MRPL42: variants seen among roughly 807,000 people sequenced by gnomAD.
MRPL42 encodes large ribosomal subunit protein mL42.
Under a neutral mutation model 17.9 loss-of-function variants are expected in MRPL42, and 17 were observed. The observed-to-expected ratio is 0.95, with a 90% confidence interval of 0.65 to 1.42. MRPL42 has a LOEUF of 1.42. MRPL42 is among the 40% of genes most tolerant of loss of function. The pLI, the probability that MRPL42 is intolerant of heterozygous loss-of-function variation, is 0.00. For missense variants in MRPL42, 177 were observed against 175.2 expected (o/e 1.01, Z -0.06); for synonymous variants, 59 against 54.4 (o/e 1.08, Z -0.37).
At chr12:93,469,398 T>C in intron 2 of MRPL42, 43 bp downstream of exon 2, 1 of 1,389,904 alleles carries the variant, frequency 7.2e-7, no homozygotes, top group Non-Finnish European at 9.9e-7. Context: ...TTTAAACTTT[T>C]AAGAATTAAG....
chr12:93,497,732 G>A (rs946065483), intron 5 of MRPL42, among the ~76,000 whole-genome samples: 1 of 133,028 alleles, frequency 7.5e-6, no homozygotes, highest in Admixed American at 7.4e-5. Flanking sequence ...CCTAGCCAGA[G>A]CAATCAGGCA....
Position 93,503,393 on chromosome 12 carries a change from T to G in MRPL42, c.*2172T>G, listed in dbSNP as rs1438708760. On this transcript the variant is annotated 3_prime_UTR_variant, in exon 6 of 6. Coordinates refer to ENST00000549982, the MANE Select transcript of MRPL42 (RefSeq NM_014050.4). ...AATAGCAAAAACTGATTTTTTTTTTTTTTTAAAGAAAAGGTCTTGCTGTGT... is the reference window on the plus strand; with the variant it reads ...AATAGCAAAAACTGATTTTTTTTTTGTTTTAAAGAAAAGGTCTTGCTGTGT... 6.6e-6 allele frequency: 1 copy of G among 152,188 alleles called. No homozygotes were observed. The highest frequency in any genetic ancestry group is 2.4e-5 in the African/African-American group (1 of 41,440). The allele number at this position is 152,188 out of a possible 1,614,324, so 9.4% of individuals were successfully genotyped here. A position where few individuals can be genotyped will look rare whatever the true frequency, so the allele number is the denominator to read the frequency against.
chr12:93,501,406 T>C lies in MRPL42; in HGVS notation c.*185T>C, dbSNP rs560425821. ...CATTCTCATTTAGAGAAACCTATTT[T>C]CTTTTTTCTTTTTCTATTTTAGTGT... On this transcript the variant is annotated 3_prime_UTR_variant, in exon 6 of 6. Transcript: ENST00000549982. 1.2e-5 allele frequency: 5 copies of C among 402,548 alleles called. No homozygotes were observed. Among genetic ancestry groups the C allele is most frequent in the African/African-American group, 2.1e-5 (1 of 48,200 alleles). 24.9% of individuals were successfully genotyped at this position (402,548 alleles called of 1,614,324 possible). A position where few individuals can be genotyped will look rare whatever the true frequency, so the allele number is the denominator to read the frequency against.
intron 5 of MRPL42, among the ~76,000 whole-genome samples, chr12:93,495,913 A>G (rs775975360): frequency 6.6e-6 from 1 of 152,210 alleles, no homozygotes; most frequent in Non-Finnish European, 1.5e-5. Flanking sequence ...TATGGTTTCA[A>G]AGAGGAACTG....
At chr12:93,471,424 G>A (rs532605631) in intron 2 of MRPL42, among the ~76,000 whole-genome samples, 3 of 152,102 alleles carry the variant, frequency 2.0e-5, no homozygotes, top group African/African-American at 7.2e-5. Flanking sequence ...TTGGCCTCCC[G>A]AAGTGCTGAG....
Position 93,506,195 on chromosome 12 carries a change from T to C in MRPL42, c.*4974T>C, listed in dbSNP as rs1248243608. 6.6e-6 allele frequency: 1 copy of C among 151,002 alleles called. No homozygotes were observed. The allele number at this position is 151,002 out of a possible 1,614,324, so 9.4% of individuals were successfully genotyped here. ...TGCCCACCTTGGCCCCCCAAAATACTGGGATTACAAGGGTGAGCCACTGTG... is the reference window on the plus strand; with the variant it reads ...TGCCCACCTTGGCCCCCCAAAATACCGGGATTACAAGGGTGAGCCACTGTG... On this transcript the variant is annotated 3_prime_UTR_variant, in exon 6 of 6. Transcript: ENST00000549982.
chr12:93,471,045 AG>A (rs948256651), intron 2 of MRPL42, among the ~76,000 whole-genome samples: 2 of 152,258 alleles, frequency 1.3e-5, no homozygotes, highest in African/African-American at 4.8e-5. Context: ...AGCTATTTGA[AG>A]AATGGAGTAT....
Position 93,477,103 on chromosome 12 carries a change from G to A in MRPL42, c.134+86G>A. The A allele has an allele frequency of 4.1e-6, 4 of 982,246 alleles. No homozygotes were observed. The South Asian group carries it at 4.8e-5, about 12-fold the overall frequency. The allele number at this position is 982,246 out of a possible 1,614,324, so 60.8% of individuals were successfully genotyped here. ...TTTATTTCTTGTTTTGATGTCTGAT[G>A]CTTTCTTTTCTCATTATTCTTTCCT... On this transcript the variant is annotated intron_variant, in intron 3 of 5. Transcript: ENST00000549982.
chr12:93,504,850 T>C lies in MRPL42; in HGVS notation c.*3629T>C, dbSNP rs1331393083. On this transcript the variant is annotated 3_prime_UTR_variant, in exon 6 of 6. Transcript: ENST00000549982. ...TTTGGTAAATGTCCATATCCCCTAC[T>C]AGCCTATAAGCTCCATGACTTCTAG... 1 of 152,238 alleles carries C rather than the reference T, an allele frequency of 6.6e-6. No homozygotes were observed. The highest frequency in any genetic ancestry group is 1.5e-5 in the Non-Finnish European group (1 of 68,050). 9.4% of individuals were successfully genotyped at this position (152,238 alleles called of 1,614,324 possible). A position where few individuals can be genotyped will look rare whatever the true frequency, so the allele number is the denominator to read the frequency against.
chr12:93,492,442 C>A (rs1953432872), intron 5 of MRPL42, among the ~76,000 whole-genome samples: 1 of 152,048 alleles, frequency 6.6e-6, no homozygotes, highest in South Asian at 2.1e-4. Flanking sequence ...AGTGTCTGTT[C>A]ATGTTCCCTA....
chr12:93,480,028 A>G (rs1223755648), intron 4 of MRPL42, among the ~76,000 whole-genome samples: 1 of 151,666 alleles, frequency 6.6e-6, no homozygotes, highest in Admixed American at 6.6e-5. Flanking sequence ...TGTTTTTAAT[A>G]TAATTTATTT....
chr12:93,472,961 C>T (rs1028390067), intron 2 of MRPL42, among the ~76,000 whole-genome samples: 2 of 152,214 alleles, frequency 1.3e-5, no homozygotes, highest in African/African-American at 4.8e-5. Flanking sequence ...ATCTGGATCT[C>T]CCACCTTACT....
rs538683135 is a variant in MRPL42, at chr12:93,502,584, C to T, written c.*1363C>T. On this transcript the variant is annotated 3_prime_UTR_variant, in exon 6 of 6. Coordinates refer to ENST00000549982, the MANE Select transcript of MRPL42 (RefSeq NM_014050.4). ...CCCTCTGTTAAGTGGTTTACTTTTT[C>T]CATTAATATAAATTTCATTTGGAAA... 2 of 151,854 alleles carry T rather than the reference C, an allele frequency of 1.3e-5. No individual in the cohort carries two copies. The highest frequency in any genetic ancestry group is 4.8e-5 in the African/African-American group (2 of 41,388). The allele number at this position is 151,854 out of a possible 1,614,324, so 9.4% of individuals were successfully genotyped here.
At position 93,514,852 on chromosome 12, in the gene MRPL42, A is replaced by G. The variant is rs1370520125; in HGVS notation, c.*13631A>G. ...CTTAAAATGTATTACCCAGGACAAC[A>G]TATTTTTTTTTACTGTGGACAGTAT... On this transcript the variant is annotated 3_prime_UTR_variant, in exon 6 of 6. Transcript: ENST00000549982. 1 of 152,038 alleles carries G rather than the reference A, an allele frequency of 6.6e-6. No homozygotes were observed. Among genetic ancestry groups the G allele is most frequent in the Non-Finnish European group, 1.5e-5 (1 of 68,018 alleles). 9.4% of individuals were successfully genotyped at this position (152,038 alleles called of 1,614,324 possible). A position where few individuals can be genotyped will look rare whatever the true frequency, so the allele number is the denominator to read the frequency against.
chr12:93,475,632 C>T lies in MRPL42; in HGVS notation c.71-1322C>T, dbSNP rs993647633. On this transcript the variant is annotated intron_variant, in intron 2 of 5. Coordinates refer to ENST00000549982, the MANE Select transcript of MRPL42 (RefSeq NM_014050.4). ...TATTGAGCTACTTTTAAATTTTTTT[C>T]TTTATATTAAAAGAATACCCTTTTT... Among the ~76,000 whole-genome samples the T allele has an allele frequency of 2.0e-5, 3 of 152,048 alleles. No homozygotes were observed. The East Asian group carries it at 5.8e-4, about 29-fold the overall frequency.
Position 93,501,310 on chromosome 12 carries a change from A to G in MRPL42, c.*89A>G. On this transcript the variant is annotated 3_prime_UTR_variant, in exon 6 of 6. Coordinates refer to ENST00000549982, the MANE Select transcript of MRPL42 (RefSeq NM_014050.4). ...CTGGTGTATTCAGTAATATATAGTA[A>G]AGTAATAATGATAAAATATCTTTTC... is the stretch of plus-strand genomic sequence containing the variant. The G allele has an allele frequency of 1.2e-6, 1 of 816,852 alleles. No individual in the cohort carries two copies. The highest frequency in any genetic ancestry group is 1.8e-6 in the Non-Finnish European group (1 of 542,540). The allele number at this position is 816,852 out of a possible 1,614,324, so 50.6% of individuals were successfully genotyped here.
chr12:93,474,266 G>A (rs918690893), intron 2 of MRPL42, among the ~76,000 whole-genome samples: 7 of 150,792 alleles, frequency 4.6e-5, no homozygotes, highest in East Asian at 3.9e-4. Flanking sequence ...ATACAAAATT[G>A]TTTTTTTTTA....
intron 5 of MRPL42, among the ~76,000 whole-genome samples, chr12:93,492,348 T>G (rs1953430958): frequency 6.6e-6 from 1 of 152,242 alleles, no homozygotes; most frequent in Non-Finnish European, 1.5e-5. Flanking sequence ...CTGTGATTTT[T>G]TTAAATTTGC....
chr12:93,470,174 T>C (rs915550180), intron 2 of MRPL42, among the ~76,000 whole-genome samples: 6 of 152,328 alleles, frequency 3.9e-5, no homozygotes, highest in African/African-American at 1.2e-4. Context: ...TTTAAAAAAA[T>C]GAAATGTAAT....
Sources: allele counts gnomAD v4.1 joint callset (sites outside exome capture counted in the v4.1 genomes callset), GRCh38; gene constraint gnomAD v4.1.1; transcripts MANE v1.5; gene names NCBI Gene and HGNC (gene_info 2026-07-23, HGNC 2026-07-21).